The following BNIP2 variants were observed in gnomAD, a reference collection of about 807,000 sequenced individuals.
BNIP2 encodes BCL2 interacting protein 2.
BNIP2 carries 36 observed loss-of-function variants against 43.4 expected under a neutral mutation model. The ratio of observed to expected loss-of-function variants is 0.83; its 90% CI spans 0.64 to 1.10. The LOEUF (loss-of-function observed/expected upper bound fraction) is 1.10. Among genes scored for constraint, BNIP2 ranks in the 50% least tolerant of loss-of-function variants. BNIP2 has a pLI of 0.00. For missense variants in BNIP2, 417 were observed against 374.1 expected (o/e 1.11, Z -0.95); for synonymous variants, 146 against 121.0 (o/e 1.21, Z -1.35).
At position 59,663,937 on chromosome 15, in the gene BNIP2, C is replaced by T. The variant is rs1161700255; in HGVS notation, c.*132G>A. On this transcript the variant is annotated 3_prime_UTR_variant, in exon 10 of 10. Transcript: ENST00000607373. Reference sequence around the variant, plus strand: ...ACAGTCCCTTGTATAATACAAAAGTCCATTATGAAAAAGTCAAGTCTATTT... The same window carrying T: ...ACAGTCCCTTGTATAATACAAAAGTTCATTATGAAAAAGTCAAGTCTATTT... 2 of 696,576 alleles carry T rather than the reference C, an allele frequency of 2.9e-6. No homozygotes were observed. The highest frequency in any genetic ancestry group is 3.5e-5 in the Admixed American group (1 of 28,878). 43.1% of individuals were successfully genotyped at this position (696,576 alleles called of 1,614,324 possible).
At chr15:59,689,058 G>T (rs1237637166) in intron 1 of BNIP2, 77 bp downstream of exon 1, 2 of 1,468,930 alleles carry the variant, frequency 1.4e-6, no homozygotes, top group South Asian at 1.4e-5. Context: ...GCACGCGCCC[G>T]ACAGACTTTC....
Position 59,689,227 on chromosome 15 carries a change from G to A in BNIP2, c.-150C>T. 6.5e-7 allele frequency: 1 copy of A among 1,541,440 alleles called. No homozygotes were observed. The highest frequency in any genetic ancestry group is 8.7e-7 in the Non-Finnish European group (1 of 1,146,272). On this transcript the variant is annotated 5_prime_UTR_variant, in exon 1 of 10. Transcript: ENST00000607373. The stretch of plus-strand genomic sequence containing the variant: ...AGGTCGCAAAAAGCAGGGCCGAGCG[G>A]AGCCCGCTCCCCTCGGTCGGCGGTG...
intron 9 of BNIP2, chr15:59,668,223 T>A (rs984603498): frequency 1.1e-6 from 1 of 881,632 alleles, no homozygotes; most frequent in African/African-American, 1.8e-5. Context: ...AATAAACTCA[T>A]TTAAATTTTC....
rs766132553 is a variant in BNIP2 at position 59,669,366 on chromosome 15, G to C, written c.708-4C>G. The stretch of plus-strand genomic sequence containing the variant: ...GGATTTTAGATTTTTCCGTAACCTG[G>C]AGTTTAAAAAAAAAACACACACACA... On this transcript the variant is annotated splice_region_variant and splice_polypyrimidine_tract_variant and intron_variant, in intron 7 of 9. Coordinates refer to ENST00000607373, the MANE Select transcript of BNIP2 (RefSeq NM_004330.4). 1 of 1,478,462 alleles carries C rather than the reference G, an allele frequency of 6.8e-7. No individual in the cohort carries two copies. The highest frequency in any genetic ancestry group is 1.4e-5 in the South Asian group (1 of 69,696). 91.6% of individuals were successfully genotyped at this position (1,478,462 alleles called of 1,614,324 possible).
chr15:59,666,602 G>C (rs140069757), intron 9 of BNIP2, among the ~76,000 whole-genome samples: 1 of 152,312 alleles, frequency 6.6e-6, no homozygotes, highest in African/African-American at 2.4e-5. Context: ...GGGAGGCAGA[G>C]ATTGCAGTTA....
chr15:59,668,605 G>A lies in BNIP2; in HGVS notation c.893+287C>T, dbSNP rs1892703536. The A allele has an allele frequency of 4.7e-5, 14 of 295,992 alleles. No homozygotes were observed. The South Asian group carries it at 8.4e-4, about 18-fold the overall frequency. The allele number at this position is 295,992 out of a possible 1,614,324, so 18.3% of individuals were successfully genotyped here. On this transcript the variant is annotated intron_variant, in intron 9 of 9. Transcript: ENST00000607373. ...TGCTCTTTAGTACTGATCAATTAGAGAAATCATCTCTTAGATTATAAGTAG... is the reference window on the plus strand; with the variant it reads ...TGCTCTTTAGTACTGATCAATTAGAAAAATCATCTCTTAGATTATAAGTAG...
intron 7 of BNIP2, 39 bp from the exon 8 acceptor site, chr15:59,669,401 T>C (rs747284683): frequency 1.5e-6 from 2 of 1,315,664 alleles, no homozygotes; most frequent in South Asian, 1.5e-5. Context: ...ACAAAGAAAA[T>C]TAAAAATTTC....
chr15:59,669,533 T>G (rs1430614743), intron 7 of BNIP2, among the ~76,000 whole-genome samples, 171 bp from the exon 8 acceptor site: 1 of 152,248 alleles, frequency 6.6e-6, no homozygotes, highest in Non-Finnish European at 1.5e-5. Context: ...TTATGGTCCC[T>G]CCTACTGCTA....
At chr15:59,673,381 T>G (rs1006496781) in intron 5 of BNIP2, among the ~76,000 whole-genome samples, 2 of 152,224 alleles carry the variant, frequency 1.3e-5, no homozygotes, top group African/African-American at 4.8e-5. Context: ...CCCACAGTGC[T>G]GGGATTACAG....
At chr15:59,678,548 G>A in intron 4 of BNIP2, 3 of 1,079,542 alleles carry the variant, frequency 2.8e-6, no homozygotes, top group African/African-American at 1.7e-5. Context: ...ACTACTCAAT[G>A]ATCACTTCTC....
intron 5 of BNIP2, 185 bp downstream of exon 5, chr15:59,677,726 C>A: frequency 8.8e-7 from 1 of 1,130,352 alleles, no homozygotes; most frequent in Non-Finnish European, 1.2e-6. Context: ...TGTAAAGTTA[C>A]AAAAAAAACA....
At chr15:59,671,749 A>G (rs1566962086) in intron 6 of BNIP2, among the ~76,000 whole-genome samples, 1 of 152,348 alleles carries the variant, frequency 6.6e-6, no homozygotes, top group East Asian at 1.9e-4. Context: ...TTCTAGGGGT[A>G]AATGTAATTT....
rs551505793 is a variant in BNIP2, at chr15:59,680,241, C to G, written c.118G>C (p.Gly40Arg). 2 of 1,584,068 alleles carry G rather than the reference C, an allele frequency of 1.3e-6. No individual in the cohort carries two copies. Among genetic ancestry groups the G allele is most frequent in the South Asian group, 2.3e-5 (2 of 86,144 alleles). The change falls in exon 3 of 10, where the codon GGC (glycine) becomes CGC (arginine). Residue 40 changes from glycine to arginine, a missense_variant and splice_region_variant. Physicochemically the swap from Gly to Arg is moderately radical, Grantham distance 125 (BLOSUM62 -2). Transcript: ENST00000607373. ...ATGAAAGTAAGTGTCAAGCTCTTAC[C>G]AGGCTGGTCCTCTGGTCCAGTTATA... ...LAITGPEDQPGSLEVNGNKVR... is the reference protein window; with the variant it reads ...LAITGPEDQPRSLEVNGNKVR...
chr15:59,672,587 C>G, intron 6 of BNIP2, 50 bp downstream of exon 6: 5 of 1,348,846 alleles, frequency 3.7e-6, no homozygotes, highest in Non-Finnish European at 5.2e-6. Context: ...AGGTGTAGAT[C>G]TAATTAGCTC....
At chr15:59,688,642 G>C (rs1894175924) in intron 1 of BNIP2, 2 of 1,433,410 alleles carry the variant, frequency 1.4e-6, no homozygotes, top group Non-Finnish European at 1.9e-6. Context: ...TACACACTCT[G>C]TATTTGGTTT....
chr15:59,682,647 G>C (rs1183730732), intron 1 of BNIP2, 133 bp from the exon 2 acceptor site: 2 of 653,954 alleles, frequency 3.1e-6, no homozygotes, highest in East Asian at 3.2e-5. Context: ...CATTTACAGG[G>C]TTGCAATTTT....
At position 59,682,474 on chromosome 15, in the gene BNIP2, A is replaced by G; in HGVS notation, c.-17T>C. On this transcript the variant is annotated 5_prime_UTR_variant, in exon 2 of 10. Coordinates refer to ENST00000607373, the MANE Select transcript of BNIP2 (RefSeq NM_004330.4). ...ACCTTCCATCCTCAGCCTGGATTCAATGTCAACTACAAACTCTTGATAATC... is the reference window on the plus strand; with the variant it reads ...ACCTTCCATCCTCAGCCTGGATTCAGTGTCAACTACAAACTCTTGATAATC... The G allele has an allele frequency of 1.2e-6, 2 of 1,613,726 alleles. No homozygotes were observed. The highest frequency in any genetic ancestry group is 1.1e-5 in the South Asian group (1 of 91,050).
rs1416689754 is a variant in BNIP2, at chr15:59,659,918, C to T, written c.*4151G>A. 4.6e-5 allele frequency: 7 copies of T among 152,188 alleles called. No homozygotes were observed. The highest frequency in any genetic ancestry group is 1.7e-4 in the African/African-American group (7 of 41,454). The allele number at this position is 152,188 out of a possible 1,614,324, so 9.4% of individuals were successfully genotyped here. The stretch of plus-strand genomic sequence containing the variant: ...TTTAGTGTCACTCCTTACTGTTAAA[C>T]ATGCCAGACTACTTTATTTTCAATT... On this transcript the variant is annotated 3_prime_UTR_variant, in exon 10 of 10. Coordinates refer to ENST00000607373, the MANE Select transcript of BNIP2 (RefSeq NM_004330.4).
At position 59,679,584 on chromosome 15, in the gene BNIP2, A is replaced by T; in HGVS notation, c.295+8T>A. 6.2e-7 allele frequency: 1 copy of T among 1,610,278 alleles called. No homozygotes were observed. ...TAAAGATCAGATTAAAAACAGTGAA[A>T]CATTTACCTTCCCACTCAAACTCAT... On this transcript the variant is annotated splice_region_variant and intron_variant, in intron 4 of 9. Transcript: ENST00000607373.
Sources: gnomAD v4.1 joint callset for allele counts (sites outside exome capture counted in the v4.1 genomes callset) on GRCh38, gnomAD v4.1.1 for gene constraint, MANE v1.5 for transcripts, NCBI Gene and HGNC (gene_info 2026-07-23, HGNC 2026-07-21) for gene names.